The following PACRG variants were observed in gnomAD, a reference collection of about 807,000 sequenced individuals.
The protein encoded by PACRG is parkin coregulated gene protein.
PACRG carries 29 observed loss-of-function variants against 29.7 expected under a neutral mutation model. The ratio of observed to expected loss-of-function variants is 0.98; its 90% confidence interval spans 0.73 to 1.33. PACRG has a LOEUF of 1.33. Ranked by LOEUF, PACRG falls within the 40% of genes most tolerant of loss-of-function variation. The probability of loss-of-function intolerance (pLI) is 0.00; values close to 1 mark genes in which losing one functional copy is unlikely to be tolerated. For synonymous variants in PACRG, 116 were observed against 118.7 expected (o/e 0.98, Z 0.15); for missense variants, 279 against 316.2 (o/e 0.88, Z 0.89).
At chr6:163,088,592 G>T (rs1813806906) in intron 3 of PACRG, among the ~76,000 whole-genome samples, 1 of 152,140 alleles carries the variant, frequency 6.6e-6, no homozygotes, top group Non-Finnish European at 1.5e-5. Context: ...CTCTGTCTCT[G>T]CAGTACAGCT....
chr6:163,109,921 A>G (rs1002063323), intron 4 of PACRG, among the ~76,000 whole-genome samples: 32 of 152,314 alleles, frequency 2.1e-4, no homozygotes, highest in African/African-American at 7.2e-4. Flanking sequence ...TGAATGATAA[A>G]TATCAGTTTC....
At position 162,913,276 on chromosome 6, in the gene PACRG, A is replaced by G. The variant is rs558991085; in HGVS notation, c.291+98995A>G. Among the ~76,000 whole-genome samples the G allele has an allele frequency of 2.6e-5, 4 of 152,288 alleles. No individual in the cohort carries two copies. In the South Asian group the frequency reaches 8.3e-4, roughly 32 times the overall value. On this transcript the variant is annotated intron_variant, in intron 2 of 4. Coordinates refer to ENST00000366888, the MANE Select transcript of PACRG (RefSeq NM_001080379.2). ...TCTGTCCCCAGGTAACCACTGACCT[A>G]GCTTTCTACATAGAGGTAATCATAC...
chr6:162,912,384 A>G (rs1158769811), intron 2 of PACRG, among the ~76,000 whole-genome samples: 1 of 152,006 alleles, frequency 6.6e-6, no homozygotes, highest in Non-Finnish European at 1.5e-5. Context: ...GTGCATGTGT[A>G]TGCTTAACTT....
intron 1 of PACRG, among the ~76,000 whole-genome samples, chr6:162,773,766 C>T (rs181618149): frequency 1.1e-3 from 162 of 152,048 alleles, no homozygotes; most frequent in African/African-American, 3.8e-3. Context: ...CCACCCGCCT[C>T]GGCCTCCCAA....
At position 163,054,601 on chromosome 6, in the gene PACRG, C is replaced by T. The variant is rs144948507; in HGVS notation, c.292-7549C>T. 9.6e-4 allele frequency among the ~76,000 whole-genome samples: 146 copies of T among 152,250 alleles called. No individual in the cohort carries two copies. In the Middle Eastern group the frequency reaches 0.01, roughly 11 times the overall value. On this transcript the variant is annotated intron_variant, in intron 2 of 4. Transcript: ENST00000366888. ...TTTTTGTCCCATGGCCACGAAAATT[C>T]ATGCTCACAGACAATTTGAATTTGA...
At chr6:162,892,781 C>T (rs764789617) in intron 2 of PACRG, among the ~76,000 whole-genome samples, 30 of 152,248 alleles carry the variant, frequency 2.0e-4, no homozygotes, top group Middle Eastern at 3.4e-3. Flanking sequence ...GATGGAAAGT[C>T]GGGAGTGAGC....
At chr6:162,741,669 C>G (rs1238898517) in intron 1 of PACRG, among the ~76,000 whole-genome samples, 1 of 152,180 alleles carries the variant, frequency 6.6e-6, no homozygotes, top group African/African-American at 2.4e-5. Flanking sequence ...TTTTGGGGAA[C>G]ACAAACAGTC....
At chr6:162,784,379 G>A (rs1327074875) in intron 1 of PACRG, among the ~76,000 whole-genome samples, 2 of 152,114 alleles carry the variant, frequency 1.3e-5, no homozygotes, top group Non-Finnish European at 2.9e-5. Flanking sequence ...TTGTCTGCGT[G>A]GAAAGGACTG....
At chr6:163,033,988 G>A (rs1234862068) in intron 2 of PACRG, among the ~76,000 whole-genome samples, 2 of 152,040 alleles carry the variant, frequency 1.3e-5, no homozygotes, top group Non-Finnish European at 2.9e-5. Flanking sequence ...CTTAAGACTA[G>A]CCTCACAAAT....
chr6:162,971,164 G>A (rs1183339235), intron 2 of PACRG, among the ~76,000 whole-genome samples: 2 of 152,322 alleles, frequency 1.3e-5, no homozygotes, highest in African/African-American at 2.4e-5. Context: ...CTTGACAAGC[G>A]TTTTAGAGAG....
intron 2 of PACRG, among the ~76,000 whole-genome samples, chr6:162,891,303 G>A (rs1273051197): frequency 6.6e-6 from 1 of 152,168 alleles, no homozygotes; most frequent in Non-Finnish European, 1.5e-5. Flanking sequence ...TCTTGAGAAG[G>A]GGAAGTTGAG....
intron 4 of PACRG, among the ~76,000 whole-genome samples, chr6:163,123,981 A>G (rs1021814711): frequency 6.6e-6 from 1 of 152,194 alleles, no homozygotes; most frequent in South Asian, 2.1e-4. Flanking sequence ...TCACAATTTC[A>G]GTTCTTTTGG....
chr6:163,019,574 A>G (rs187473667), intron 2 of PACRG, among the ~76,000 whole-genome samples: 1 of 150,812 alleles, frequency 6.6e-6, no homozygotes, highest in Admixed American at 6.6e-5. Context: ...CCAGCTTCAA[A>G]TATGGCATCT....
intron 2 of PACRG, among the ~76,000 whole-genome samples, chr6:162,900,284 C>T (rs1795467709): frequency 6.6e-6 from 1 of 152,078 alleles, no homozygotes; most frequent in South Asian, 2.1e-4. Context: ...GTTCCCTCGC[C>T]CTGAGACATC....
chr6:162,781,612 A>G (rs1562590744), intron 1 of PACRG, among the ~76,000 whole-genome samples: 1 of 151,846 alleles, frequency 6.6e-6, no homozygotes, highest in African/African-American at 2.4e-5. Flanking sequence ...TGACTACACT[A>G]GCATAAAGGC....
intron 1 of PACRG, among the ~76,000 whole-genome samples, chr6:162,768,367 G>C (rs1028856946): frequency 6.6e-6 from 1 of 151,700 alleles, no homozygotes; most frequent in Non-Finnish European, 1.5e-5. Flanking sequence ...TTTTTCTCTG[G>C]ATGTTTTTCT....
chr6:162,866,627 T>G lies in PACRG; in HGVS notation c.291+52346T>G, dbSNP rs116647083. Reference sequence around the variant, plus strand: ...CAAATACACAGAAGAAAAAAAAAAATCTCTAAACTAGAATGCTGATTTCCA... The same window carrying G: ...CAAATACACAGAAGAAAAAAAAAAAGCTCTAAACTAGAATGCTGATTTCCA... On this transcript the variant is annotated intron_variant, in intron 2 of 4. Transcript: ENST00000366888. Among the ~76,000 whole-genome samples, 994 of 151,936 alleles carry G rather than the reference T, an allele frequency of 6.5e-3. 12 individuals carry two copies. The highest frequency in any genetic ancestry group is 0.022 in the African/African-American group (917 of 41,420).
chr6:163,288,549 G>A (rs189293641), intron 4 of PACRG, among the ~76,000 whole-genome samples: 42 of 152,298 alleles, frequency 2.8e-4, no homozygotes, highest in African/African-American at 9.9e-4. Flanking sequence ...AGAGTTTCGC[G>A]ACTGTCATAC....
chr6:163,180,707 C>T (rs1300144950), intron 4 of PACRG, among the ~76,000 whole-genome samples: 1 of 152,060 alleles, frequency 6.6e-6, no homozygotes, highest in Non-Finnish European at 1.5e-5. Flanking sequence ...AATTCCTTTA[C>T]TCTTATGAGC....
Sources: allele counts gnomAD v4.1 joint callset (sites outside exome capture counted in the v4.1 genomes callset), GRCh38; gene constraint gnomAD v4.1.1; transcripts MANE v1.5; gene names NCBI Gene and HGNC (gene_info 2026-07-23, HGNC 2026-07-21).